Variants in POLG observed in about 807,000 individuals in gnomAD.
The protein encoded by POLG is DNA polymerase subunit gamma-1.
In POLG, 110 loss-of-function variants were observed where a neutral mutation model predicts 155.4. That is an observed-to-expected ratio of 0.71 (90% confidence interval 0.61 to 0.83). The LOEUF (loss-of-function observed/expected upper bound fraction) is 0.83. Among genes scored for constraint, POLG ranks in the 40% least tolerant of loss-of-function variants. POLG has a pLI of 0.00. For synonymous variants in POLG, 701 were observed against 631.5 expected, an observed-to-expected ratio of 1.11 and a Z score of -1.65; for missense variants, 1,685 against 1,627.5, an observed-to-expected ratio of 1.04 and a Z score of -0.61.
chr15:89,327,750 C>A (rs999996655), intron 6 of POLG, among the ~76,000 whole-genome samples: 1 of 152,088 alleles, frequency 6.6e-6, no homozygotes, highest in Non-Finnish European at 1.5e-5. Context: ...ATGTCTGGAT[C>A]GTGCAAGTTC....
Position 89,328,940 on chromosome 15 carries a change from C to T in POLG, c.1023+3G>A, listed in dbSNP as rs1555453800. 1.9e-6 allele frequency: 3 copies of T among 1,614,138 alleles called. No individual in the cohort carries two copies. The highest frequency in any genetic ancestry group is 1.7e-5 in the Admixed American group (1 of 60,038). Reference sequence around the variant, plus strand: ...CTCCTGCCCACCGGCAGTGTGCTCTCACCGCTGGGCCTCTTCTGGCTTTCC... The same window carrying T: ...CTCCTGCCCACCGGCAGTGTGCTCTTACCGCTGGGCCTCTTCTGGCTTTCC... On this transcript the variant is annotated splice_donor_region_variant and intron_variant, in intron 4 of 22. Coordinates refer to ENST00000268124, the MANE Select transcript of POLG (RefSeq NM_002693.3).
Position 89,328,676 on chromosome 15 carries a change from G to C in POLG, c.1170+9C>G. On this transcript the variant is annotated intron_variant, in intron 5 of 22. Coordinates refer to ENST00000268124, the MANE Select transcript of POLG (RefSeq NM_002693.3). ...GCCCATGTCCCCAGAGCCCCCTCCA[G>C]CACCATACCTGGAAGTTCTCACGAA... is the stretch of plus-strand genomic sequence containing the variant. 6.2e-7 allele frequency: 1 copy of C among 1,614,018 alleles called. No individual in the cohort carries two copies. The highest frequency in any genetic ancestry group is 8.5e-7 in the Non-Finnish European group (1 of 1,180,016).
In POLG at chr15:89,323,385, G is replaced by GC; in HGVS notation, c.2265+18dup. ...AGAATGAGGAAACACCACAGGACAGGCCATGACCCAGGACACACCTTGTGA... is the reference window on the plus strand; with the variant it reads ...AGAATGAGGAAACACCACAGGACAGGCCCATGACCCAGGACACACCTTGTGA... On this transcript the variant is annotated intron_variant, in intron 13 of 22. Transcript: ENST00000268124. The GC allele has an allele frequency of 6.6e-7, 1 of 1,515,350 alleles. No homozygotes were observed. The highest frequency in any genetic ancestry group is 9.2e-7 in the Non-Finnish European group (1 of 1,090,108). 93.9% of individuals were successfully genotyped at this position (1,515,350 alleles called of 1,614,324 possible). A position where few individuals can be genotyped will look rare whatever the true frequency, so the allele number is the denominator to read the frequency against.
intron 21 of POLG, among the ~76,000 whole-genome samples, 155 bp downstream of exon 21, chr15:89,318,386 A>G (rs1265918004): frequency 2.6e-5 from 4 of 152,204 alleles, no homozygotes; most frequent in African/African-American, 2.4e-5. Context: ...TAGGACTTCT[A>G]CAACTTTTTA....
At chr15:89,325,062 G>T (rs1208314993) in intron 10 of POLG, among the ~76,000 whole-genome samples, 5 of 83,646 alleles carry the variant, frequency 6.0e-5, no homozygotes, top group African/African-American at 2.6e-4. Flanking sequence ...GTGAGAGAGT[G>T]AGTGAGTGAG....
chr15:89,318,725 C>T lies in POLG; in HGVS notation c.3298G>A (p.Val1100Met), dbSNP rs1567185242. ...TAGTCAACAGCAGAGCTCTGTACCA[C>T]CCAATTCACACGGCTGGTCATAAAC... is the stretch of plus-strand genomic sequence containing the variant. ...EEFMTSRVNW[V>M]VQSSAVDYLH... Residue 1100 changes from valine (V) to methionine (M), a missense_variant, in exon 21 of 23, where the codon GTG (valine) becomes ATG (methionine). This residue lies in a region of POLG where 470 missense variants were observed against 439.9 expected (regional missense o/e 1.07). Coordinates refer to ENST00000268124, the MANE Select transcript of POLG (RefSeq NM_002693.3). The T allele has an allele frequency of 6.2e-7, 1 of 1,614,134 alleles. No homozygotes were observed. The highest frequency in any genetic ancestry group is 8.5e-7 in the Non-Finnish European group (1 of 1,179,970).
At chr15:89,329,182 G>T in intron 3 of POLG, 72 bp from the exon 4 acceptor site, 1 of 1,353,344 alleles carries the variant, frequency 7.4e-7, no homozygotes, top group South Asian at 1.2e-5. Context: ...ACCACTGCTT[G>T]GTGGTGTGGA....
intron 2 of POLG, among the ~76,000 whole-genome samples, chr15:89,331,052 A>G (rs12324302): frequency 2.0e-5 from 3 of 152,176 alleles, no homozygotes; most frequent in Non-Finnish European, 4.4e-5. Context: ...AGATTATTCT[A>G]AACAATCAAG....
intron 14 of POLG, among the ~76,000 whole-genome samples, 174 bp from the exon 15 acceptor site, chr15:89,322,189 C>T (rs945409488): frequency 4.4e-4 from 67 of 152,334 alleles, no homozygotes; most frequent in South Asian, 4.1e-4. Context: ...CCCTATGATA[C>T]ACCAATCAAG....
chr15:89,323,050 C>A (rs538262887), intron 13 of POLG, 148 bp from the exon 14 acceptor site: 85 of 754,416 alleles, frequency 1.1e-4, no homozygotes, highest in Non-Finnish European at 1.5e-4. Context: ...CACGCGCGCA[C>A]GCGCGCACGC....
At chr15:89,322,630 G>T in intron 14 of POLG, 112 bp downstream of exon 14, 1 of 1,176,744 alleles carries the variant, frequency 8.5e-7, no homozygotes. Flanking sequence ...AAGTAGCCAG[G>T]CCTCTAGACC....
intron 14 of POLG, 149 bp downstream of exon 14, chr15:89,322,593 G>A: frequency 1.2e-6 from 1 of 809,058 alleles, no homozygotes; most frequent in South Asian, 1.4e-5. Context: ...GGGGAGACCT[G>A]CCCAAGGTCC....
chr15:89,318,623 G>A lies in POLG; in HGVS notation c.3400C>T (p.His1134Tyr). The A allele has an allele frequency of 6.2e-7, 1 of 1,614,200 alleles. No homozygotes were observed. Among genetic ancestry groups the A allele is most frequent in the Non-Finnish European group, 8.5e-7 (1 of 1,180,020 alleles). Residue 1134 changes from histidine (H) to tyrosine (Y), a missense_variant, in exon 21 of 23, where the codon CAT becomes TAT. By Grantham distance (83) the His-to-Tyr change is moderately conservative (BLOSUM62 2). Around this residue, in one of 3 missense-constraint regions of POLG, gnomAD observed 470 missense variants for 439.9 expected, o/e 1.07. Coordinates refer to ENST00000268124, the MANE Select transcript of POLG (RefSeq NM_002693.3). ...CGCACCAGGTAGCGAACCTCGTCAT[G>A]GATGCTGATGCAGAAGCGCCCATCT... Reference protein sequence around the residue: ...AIDGRFCISIHDEVRYLVREE... With the variant: ...AIDGRFCISIYDEVRYLVREE...
In POLG at chr15:89,333,382, G is replaced by C; in HGVS notation, c.373C>G (p.Leu125Val). Residue 125 changes from leucine to valine, a missense_variant, in exon 2 of 23, where the codon CTG becomes GTG. Transcript: ENST00000268124. The part of the protein sequence containing the change: ...QPAVPLPDVE[L>V]RLPPLYGDNL... ...TCCCCGTAGAGGGGCGGCAGGCGCA[G>C]CTCCACGTCGGGCAAGGGCACGGCT... 2 of 1,583,880 alleles carry C rather than the reference G, an allele frequency of 1.3e-6. No homozygotes were observed. The highest frequency in any genetic ancestry group is 1.3e-5 in the African/African-American group (1 of 74,414).
At chr15:89,317,566 C>T in intron 21 of POLG, 30 bp from the exon 22 acceptor site, 2 of 1,607,664 alleles carry the variant, frequency 1.2e-6, no homozygotes, top group South Asian at 1.1e-5. Flanking sequence ...CTCTCACAGT[C>T]ATGCCCCTCC....
chr15:89,317,499 GC>G lies in POLG; in HGVS notation c.3519del (p.Leu1173PhefsTer21). Reference protein sequence around the residue: ...MFAYKLGLNDLPQSVAFFSAV... With the variant: ...MFAYKLGLNDXPQSVAFFSAV... ...GCACTGAAAAAGGCGACTGACTGGG[GC>G]AAGTCATTCAGACCCAGCTTGTAGG... On this transcript the variant is annotated frameshift_variant, in exon 22 of 23. Coordinates refer to ENST00000268124, the MANE Select transcript of POLG (RefSeq NM_002693.3). LOFTEE classifies it high-confidence loss of function. 1.2e-6 allele frequency: 2 copies of G among 1,614,064 alleles called. No homozygotes were observed. The highest frequency in any genetic ancestry group is 2.2e-5 in the South Asian group (2 of 91,074).
rs2307441 is a variant in POLG, at chr15:89,318,595, T to C, written c.3428A>G (p.Glu1143Gly). 60,079 of 1,614,076 alleles carry C rather than the reference T, an allele frequency of 0.037. 1,410 individuals are homozygous for C. Among genetic ancestry groups the C allele is most frequent in the Non-Finnish European group, 0.043 (50,866 of 1,180,008 alleles). ...IHDEVRYLVR[E>G]EDRYRAALAL... is the part of the protein sequence containing the mutation. Reference sequence around the variant, plus strand: ...CAGGGCAGCGCGGTAGCGGTCCTCCTCCCGCACCAGGTAGCGAACCTCGTC... The same window carrying C: ...CAGGGCAGCGCGGTAGCGGTCCTCCCCCCGCACCAGGTAGCGAACCTCGTC... Residue 1143 changes from glutamate (E) to glycine (G), a missense_variant, in exon 21 of 23, where the codon GAG becomes GGG. Glu to Gly is a moderately conservative substitution (Grantham distance 98). Around this residue, in one of 3 missense-constraint regions of POLG, gnomAD observed 470 missense variants for 439.9 expected, o/e 1.07. Coordinates refer to ENST00000268124, the MANE Select transcript of POLG (RefSeq NM_002693.3).
Position 89,333,335 on chromosome 15 carries a change from G to A in POLG, c.420C>T (p.Arg140=), listed in dbSNP as rs1260666363. The part of the protein sequence containing the change: ...LYGDNLDQHF[R]LLAQKQSLPY... The stretch of plus-strand genomic sequence containing the variant: ...GCAGGCTCTGCTTCTGGGCCAGGAG[G>A]CGGAAGTGCTGGTCCAGGTTGTCCC... The change falls in exon 2 of 23, where the codon CGC becomes CGT. Residue 140 remains arginine (R), a synonymous_variant. Transcript: ENST00000268124. 1 of 1,562,078 alleles carries A rather than the reference G, an allele frequency of 6.4e-7. No homozygotes were observed. The highest frequency in any genetic ancestry group is 2.4e-5 in the East Asian group (1 of 41,984).
At position 89,319,440 on chromosome 15, in the gene POLG, C is replaced by G. The variant is rs1368105268; in HGVS notation, c.2982-90G>C. The G allele has an allele frequency of 1.9e-5, 29 of 1,543,716 alleles. No individual in the cohort carries two copies. The East Asian group carries it at 6.6e-4, about 35-fold the overall frequency. ...AAGGAATGTTCACATATCACTTCAA[C>G]TTTTAAAAACACTGACATCATGCCA... On this transcript the variant is annotated intron_variant, in intron 18 of 22. Transcript: ENST00000268124.
Sources: gnomAD v4.1 joint callset for allele counts (sites outside exome capture counted in the v4.1 genomes callset) on GRCh38, gnomAD v4.1.1 for gene constraint, gnomAD v4.1.1 regional missense constraint, MANE v1.5 for transcripts, NCBI Gene and HGNC (gene_info 2026-07-23, HGNC 2026-07-21) for gene names.